Variants in PACRG observed in about 807,000 individuals in gnomAD.
PACRG encodes the protein parkin coregulated gene protein.
In PACRG, 29 loss-of-function variants were observed where a neutral mutation model predicts 29.7. That is an observed-to-expected ratio of 0.98 (90% confidence interval 0.73 to 1.33). The LOEUF (loss-of-function observed/expected upper bound fraction) is 1.33, where lower values mean the gene tolerates loss of function less well. PACRG is among the 40% of genes most tolerant of loss of function. PACRG has a pLI of 0.00. For synonymous variants in PACRG, 116 were observed against 118.7 expected, an observed-to-expected ratio of 0.98 and a Z score of 0.15; for missense variants, 279 against 316.2, an observed-to-expected ratio of 0.88 and a Z score of 0.89.
chr6:162,881,158 A>G (rs1197042182), intron 2 of PACRG, among the ~76,000 whole-genome samples: 1 of 152,152 alleles, frequency 6.6e-6, no homozygotes, highest in Non-Finnish European at 1.5e-5. Flanking sequence ...CATTCTTTGG[A>G]TTTTGCCTAT....
rs139624778 is a variant in PACRG at position 163,019,617 on chromosome 6, T to A, written c.292-42533T>A. Among the ~76,000 whole-genome samples, 13 of 152,294 alleles carry A rather than the reference T, an allele frequency of 8.5e-5. No individual in the cohort carries two copies. The Middle Eastern group carries it at 0.014, about 159-fold the overall frequency. ...ACGTTCCCATTCTGGAATCAGGAGA[T>A]GGCTGGCTACTCTCCTCTGCTGCCT... On this transcript the variant is annotated intron_variant, in intron 2 of 4. Coordinates refer to ENST00000366888, the MANE Select transcript of PACRG (RefSeq NM_001080379.2).
At chr6:162,941,807 G>T (rs1157951665) in intron 2 of PACRG, among the ~76,000 whole-genome samples, 1 of 152,064 alleles carries the variant, frequency 6.6e-6, no homozygotes, top group Admixed American at 6.5e-5. Context: ...AGAATAAACA[G>T]AAATCAAATA....
intron 1 of PACRG, among the ~76,000 whole-genome samples, chr6:162,765,709 G>T (rs186406854): frequency 9.4e-4 from 143 of 151,970 alleles, no homozygotes; most frequent in African/African-American, 3.4e-3. Flanking sequence ...AGCATTTCGG[G>T]GGGCATTTCT....
intron 1 of PACRG, among the ~76,000 whole-genome samples, chr6:162,745,954 T>G (rs1297832779): frequency 6.6e-6 from 1 of 152,184 alleles, no homozygotes; most frequent in African/African-American, 2.4e-5. Flanking sequence ...ATAATAATTA[T>G]GTTGTATAAA....
chr6:162,947,611 CATATATAT>C (rs1170513962), intron 2 of PACRG, among the ~76,000 whole-genome samples: 74 of 27,988 alleles, frequency 2.6e-3, no homozygotes, highest in African/African-American at 7.3e-3. Context: ...TATATATAAT[CATATATAT>C]ATATATATAT....
At chr6:162,928,635 C>T (rs569254410) in intron 2 of PACRG, among the ~76,000 whole-genome samples, 1 of 152,028 alleles carries the variant, frequency 6.6e-6, no homozygotes, top group East Asian at 1.9e-4. Flanking sequence ...TTATTCTCTT[C>T]TTAGCTATTT....
At chr6:163,102,531 C>T (rs1815154159) in intron 4 of PACRG, among the ~76,000 whole-genome samples, 1 of 152,240 alleles carries the variant, frequency 6.6e-6, no homozygotes, top group Non-Finnish European at 1.5e-5. Flanking sequence ...CAAATACTGT[C>T]CATCAGGTCT....
intron 1 of PACRG, among the ~76,000 whole-genome samples, chr6:162,793,875 A>G (rs1238500655): frequency 6.6e-6 from 1 of 152,216 alleles, no homozygotes; most frequent in East Asian, 1.9e-4. Context: ...GGATCAGGAA[A>G]AATAACTAAT....
intron 2 of PACRG, among the ~76,000 whole-genome samples, chr6:163,015,505 A>C (rs1416758282): frequency 6.6e-6 from 1 of 152,042 alleles, no homozygotes; most frequent in Non-Finnish European, 1.5e-5. Context: ...TTTTTCATTC[A>C]TTTGTGTCAT....
At chr6:163,187,776 A>C (rs1238087254) in intron 4 of PACRG, 1 of 152,404 alleles carries the variant, frequency 6.6e-6, no homozygotes, top group Non-Finnish European at 1.5e-5. Context: ...CTCCTCCAGC[A>C]CTGCTGTGAC....
At chr6:163,084,284 T>C (rs946393712) in intron 3 of PACRG, among the ~76,000 whole-genome samples, 3 of 152,128 alleles carry the variant, frequency 2.0e-5, no homozygotes, top group African/African-American at 7.2e-5. Flanking sequence ...AAAATCATAT[T>C]CTCTTTATAC....
At chr6:162,844,299 G>C (rs1790132153) in intron 2 of PACRG, among the ~76,000 whole-genome samples, 1 of 152,224 alleles carries the variant, frequency 6.6e-6, no homozygotes, top group South Asian at 2.1e-4. Flanking sequence ...ATAATCTCAT[G>C]GTGCGCCGTT....
intron 2 of PACRG, among the ~76,000 whole-genome samples, chr6:162,888,013 C>G (rs151003731): frequency 8.1e-4 from 124 of 152,302 alleles, no homozygotes; most frequent in Non-Finnish European, 1.7e-3. Context: ...GTGAGGGCTA[C>G]TCTCCGCTTC....
rs544633309 is a variant in PACRG, at chr6:163,181,604, C to CAAA, written c.613+92221_613+92223dup. On this transcript the variant is annotated intron_variant, in intron 4 of 4. Transcript: ENST00000366888. Reference sequence around the variant, plus strand: ...ATCAGAGATTATTTGCTTGAGGTGGCAAAAAAAAAAAAAAAAAAAAAAAAA... The same window carrying CAAA: ...ATCAGAGATTATTTGCTTGAGGTGGCAAAAAAAAAAAAAAAAAAAAAAAAAAAA... Among the ~76,000 whole-genome samples, 89 of 65,116 alleles carry CAAA rather than the reference C, an allele frequency of 1.4e-3. 3 individuals carry two copies. Among genetic ancestry groups the CAAA allele is most frequent in the African/African-American group, 5.6e-3 (83 of 14,948 alleles). The allele number at this position is 65,116 out of a possible 152,430, so 42.7% of individuals were successfully genotyped here. A position where few individuals can be genotyped will look rare whatever the true frequency, so the allele number is the denominator to read the frequency against.
chr6:163,101,408 T>C (rs1452691875), intron 4 of PACRG: 3 of 967,256 alleles, frequency 3.1e-6, no homozygotes, highest in East Asian at 2.3e-4. Flanking sequence ...AATCACTGAA[T>C]GTTACATATG....
intron 3 of PACRG, among the ~76,000 whole-genome samples, chr6:163,085,038 C>T (rs1036354020): frequency 2.6e-5 from 4 of 151,918 alleles, no homozygotes; most frequent in Admixed American, 6.6e-5. Flanking sequence ...GTGACCACAA[C>T]GGTCACCAAA....
chr6:162,971,495 T>C (rs1470643188), intron 2 of PACRG, among the ~76,000 whole-genome samples: 1 of 152,182 alleles, frequency 6.6e-6, no homozygotes, highest in Non-Finnish European at 1.5e-5. Flanking sequence ...ACACAAAGAA[T>C]TTATCTACAA....
At chr6:162,896,040 C>T (rs1795140148) in intron 2 of PACRG, among the ~76,000 whole-genome samples, 1 of 152,112 alleles carries the variant, frequency 6.6e-6, no homozygotes, top group South Asian at 2.1e-4. Context: ...CTTGATTGCT[C>T]CCAGCAGCCT....
intron 4 of PACRG, among the ~76,000 whole-genome samples, chr6:163,298,364 G>A (rs938783284): frequency 3.3e-5 from 5 of 151,978 alleles, no homozygotes; most frequent in African/African-American, 1.2e-4. Context: ...TTTTATAGAC[G>A]CTGGATTGGC....
Sources: gnomAD v4.1 joint callset for allele counts (sites outside exome capture counted in the v4.1 genomes callset) on GRCh38, gnomAD v4.1.1 for gene constraint, MANE v1.5 for transcripts, NCBI Gene and HGNC (gene_info 2026-07-23, HGNC 2026-07-21) for gene names.